Variants in KCNC2 observed in about 807,000 individuals in gnomAD.
KCNC2 encodes the protein potassium voltage-gated channel subfamily C member 2.
Under a neutral mutation model 44.5 loss-of-function variants are expected in KCNC2, and 21 were observed. That is an observed-to-expected ratio of 0.47 (90% CI 0.33 to 0.68). The LOEUF is 0.68. Among genes scored for constraint, KCNC2 ranks in the 30% least tolerant of loss-of-function variants. KCNC2 has a pLI of 0.01. For synonymous variants in KCNC2, 391 were observed against 339.1 expected, an observed-to-expected ratio of 1.15 and a Z score of -1.68; for missense variants, 589 against 826.2, an observed-to-expected ratio of 0.71 and a Z score of 3.52.
intron 1 of KCNC2, among the ~76,000 whole-genome samples, 188 bp downstream of exon 1, chr12:75,209,019 T>G (rs910863218): frequency 4.6e-5 from 7 of 152,090 alleles, no homozygotes; most frequent in Non-Finnish European, 7.4e-5. Context: ...GCACACCCCC[T>G]GGGTCCCTGA....
At chr12:75,115,855 T>A (rs1057206914) in intron 2 of KCNC2, among the ~76,000 whole-genome samples, 22 of 152,232 alleles carry the variant, frequency 1.4e-4, no homozygotes, top group African/African-American at 5.1e-4. Context: ...ATAATGAATA[T>A]AATTACAATA....
intron 2 of KCNC2, among the ~76,000 whole-genome samples, chr12:75,153,468 G>A (rs566024094): frequency 3.3e-5 from 5 of 151,792 alleles, no homozygotes; most frequent in Admixed American, 6.6e-5. Context: ...AACTTGGAAG[G>A]GTGGGAGGGT....
At chr12:75,045,116 G>A (rs938490137) in intron 4 of KCNC2, among the ~76,000 whole-genome samples, 4 of 151,896 alleles carry the variant, frequency 2.6e-5, no homozygotes, top group African/African-American at 4.8e-5. Flanking sequence ...TAAACTAGAC[G>A]ATAAACATTG....
intron 2 of KCNC2, among the ~76,000 whole-genome samples, chr12:75,134,477 A>C (rs1889086130): frequency 6.6e-6 from 1 of 151,960 alleles, no homozygotes; most frequent in Non-Finnish European, 1.5e-5. Flanking sequence ...TTGAAATTTC[A>C]GGAAAATAAG....
chr12:75,158,132 A>T (rs1161817321), intron 2 of KCNC2, among the ~76,000 whole-genome samples: 2 of 151,950 alleles, frequency 1.3e-5, no homozygotes, highest in Non-Finnish European at 2.9e-5. Flanking sequence ...TTTAGTATTG[A>T]TAAATTCTAT....
At chr12:75,062,297 A>G (rs1015303043) in intron 2 of KCNC2, among the ~76,000 whole-genome samples, 1 of 152,130 alleles carries the variant, frequency 6.6e-6, no homozygotes, top group African/African-American at 2.4e-5. Context: ...CTGATAAAAT[A>G]GTGTTTTATG....
At chr12:75,170,112 G>A (rs879781232) in intron 2 of KCNC2, among the ~76,000 whole-genome samples, 8 of 151,578 alleles carry the variant, frequency 5.3e-5, no homozygotes, top group Non-Finnish European at 8.9e-5. Flanking sequence ...CTTTTCTCAA[G>A]GTGAAGTCAC....
intron 2 of KCNC2, among the ~76,000 whole-genome samples, chr12:75,136,917 C>A (rs1889272362): frequency 6.6e-6 from 1 of 152,102 alleles, no homozygotes; most frequent in African/African-American, 2.4e-5. Flanking sequence ...TTGCTTTACT[C>A]TGCATGTTCC....
chr12:75,155,210 G>A (rs1306892824), intron 2 of KCNC2, among the ~76,000 whole-genome samples: 1 of 151,880 alleles, frequency 6.6e-6, no homozygotes, highest in East Asian at 1.9e-4. Context: ...AATTGGATGT[G>A]CAAATTGGAT....
At chr12:75,053,966 T>C (rs1881464211) in intron 2 of KCNC2, among the ~76,000 whole-genome samples, 1 of 151,690 alleles carries the variant, frequency 6.6e-6, no homozygotes, top group South Asian at 2.1e-4. Flanking sequence ...CTCTCGCCTG[T>C]AATCCCAGCA....
intron 2 of KCNC2, among the ~76,000 whole-genome samples, chr12:75,059,309 T>A (rs1380210648): frequency 6.6e-6 from 1 of 152,154 alleles, no homozygotes; most frequent in Non-Finnish European, 1.5e-5. Flanking sequence ...ATGAGGCCTT[T>A]TCTGGGGTCC....
intron 2 of KCNC2, among the ~76,000 whole-genome samples, chr12:75,053,128 G>C (rs928022833): frequency 6.6e-6 from 1 of 152,148 alleles, no homozygotes; most frequent in African/African-American, 2.4e-5. Flanking sequence ...TTCAGAGGAA[G>C]AATCAGTTAT....
intron 2 of KCNC2, among the ~76,000 whole-genome samples, chr12:75,162,813 G>T (rs1201728413): frequency 6.6e-6 from 1 of 151,734 alleles, no homozygotes; most frequent in Admixed American, 6.6e-5. Context: ...TTAGTGGAAG[G>T]TAATATTTTC....
In KCNC2 at chr12:75,209,248, G is replaced by C. The variant is rs999454944; in HGVS notation, c.-61C>G. 6.6e-6 allele frequency: 1 copy of C among 152,134 alleles called. No individual in the cohort carries two copies. The highest frequency in any genetic ancestry group is 1.5e-5 in the Non-Finnish European group (1 of 68,088). 9.4% of individuals were successfully genotyped at this position (152,134 alleles called of 1,614,324 possible). On this transcript the variant is annotated 5_prime_UTR_variant, in exon 1 of 5. Coordinates refer to ENST00000549446, the MANE Select transcript of KCNC2 (RefSeq NM_139137.4). Reference sequence around the variant, plus strand: ...GAAAAGTGGTTCTGCTTTGGTTTCCGAGTGGACGAGGTTCTCTGGGCAGCG... The same window carrying C: ...GAAAAGTGGTTCTGCTTTGGTTTCCCAGTGGACGAGGTTCTCTGGGCAGCG...
chr12:75,099,308 C>A (rs141100873), intron 2 of KCNC2, among the ~76,000 whole-genome samples: 1 of 152,210 alleles, frequency 6.6e-6, no homozygotes, highest in African/African-American at 2.4e-5. Context: ...ATAATGCATT[C>A]AAGGGTTTTG....
chr12:75,207,712 C>A lies in KCNC2; in HGVS notation c.272G>T (p.Arg91Met). The change falls in exon 2 of 5, where the codon AGG becomes ATG. Residue 91 changes from arginine (R) to methionine (M), a missense_variant. Physicochemically the swap from Arg to Met is moderately conservative, Grantham distance 91. Transcript: ENST00000549446. This position sits in a 1 kb window ranked among gnomAD's most constrained non-coding sequence, Gnocchi z 4.1. ...GCCGCCACCGGGATGGTCGCTGGCCCTGCCGCCGCGGGAACTGCAGTTGCC... is the reference window on the plus strand; with the variant it reads ...GCCGCCACCGGGATGGTCGCTGGCCATGCCGCCGCGGGAACTGCAGTTGCC... ...GAGNCSSRGG[R>M]ASDHPGGGRE... 1 of 1,580,526 alleles carries A rather than the reference C, an allele frequency of 6.3e-7. No individual in the cohort carries two copies. Among genetic ancestry groups the A allele is most frequent in the South Asian group, 1.1e-5 (1 of 87,724 alleles).
intron 2 of KCNC2, among the ~76,000 whole-genome samples, chr12:75,175,159 G>A (rs750324944): frequency 6.6e-6 from 1 of 151,900 alleles, no homozygotes; most frequent in Non-Finnish European, 1.5e-5. Context: ...GCACCCCTAA[G>A]ACAAAATCTC....
intron 2 of KCNC2, among the ~76,000 whole-genome samples, chr12:75,101,563 A>T (rs1304232647): frequency 6.6e-6 from 1 of 152,130 alleles, no homozygotes; most frequent in Non-Finnish European, 1.5e-5. Context: ...AACATCTCTT[A>T]AAAAGAGAAA....
chr12:75,170,122 C>G (rs1165687757), intron 2 of KCNC2, among the ~76,000 whole-genome samples: 1 of 151,664 alleles, frequency 6.6e-6, no homozygotes, highest in Non-Finnish European at 1.5e-5. Context: ...GGTGAAGTCA[C>G]TAGAATTCCA....
Sources: gnomAD v4.1 joint callset for allele counts (sites outside exome capture counted in the v4.1 genomes callset) on GRCh38, gnomAD v4.1.1 for gene constraint, Gnocchi (gnomAD v3.1) non-coding constraint, MANE v1.5 for transcripts, NCBI Gene and HGNC (gene_info 2026-07-23, HGNC 2026-07-21) for gene names.